AIG1: variants seen among roughly 807,000 people sequenced by gnomAD.
AIG1 encodes androgen-induced gene 1 protein.
A neutral mutation model predicts 31.4 loss-of-function variants in AIG1; 23 were observed. The ratio of observed to expected loss-of-function variants is 0.73; its 90% CI spans 0.53 to 1.04. AIG1 has a LOEUF of 1.04. Among genes scored for constraint, AIG1 ranks in the 50% least tolerant of loss-of-function variants. The probability of loss-of-function intolerance (pLI) is 0.00; values close to 1 mark genes in which losing one functional copy is unlikely to be tolerated. For missense variants in AIG1, 274 were observed against 295.0 expected (o/e 0.93, Z 0.52); for synonymous variants, 100 against 110.5 (o/e 0.90, Z 0.60).
intron 1 of AIG1, among the ~76,000 whole-genome samples, chr6:143,135,893 A>C (rs1783682292): frequency 6.6e-6 from 1 of 152,114 alleles, no homozygotes; most frequent in South Asian, 2.1e-4. Context: ...AAGCCAGAAA[A>C]ATTTTCCTGA....
In AIG1 at chr6:143,217,078, T is replaced by C. The variant is rs557371515; in HGVS notation, c.399+51895T>C. ...ATATTCAATTGAGAAGTTTTTATAC[T>C]TTTCATTAATTTTTCATAATTTATT... On this transcript the variant is annotated intron_variant, in intron 3 of 5. Coordinates refer to ENST00000357847, the MANE Select transcript of AIG1 (RefSeq NM_016108.4). Among the ~76,000 whole-genome samples the C allele has an allele frequency of 1.3e-4, 20 of 152,344 alleles. 2 individuals carry two copies. The highest frequency in any genetic ancestry group is 4.8e-4 in the African/African-American group (20 of 41,590).
intron 3 of AIG1, among the ~76,000 whole-genome samples, chr6:143,278,826 G>A (rs1337931207): frequency 6.6e-6 from 1 of 152,114 alleles, no homozygotes; most frequent in Non-Finnish European, 1.5e-5. Flanking sequence ...ATTTAACACA[G>A]ATAGGGGAGG....
chr6:143,208,810 C>G (rs1156750667), intron 3 of AIG1, among the ~76,000 whole-genome samples: 1 of 151,964 alleles, frequency 6.6e-6, no homozygotes, highest in African/African-American at 2.4e-5. Flanking sequence ...AAAATGATCT[C>G]CTAGGATCCT....
intron 1 of AIG1, among the ~76,000 whole-genome samples, chr6:143,104,479 C>T (rs1780616602): frequency 6.6e-6 from 1 of 152,196 alleles, no homozygotes. Flanking sequence ...CCCAAGTGGG[C>T]ATTTTGTAGT....
chr6:143,137,753 A>G (rs1406423717), intron 2 of AIG1, among the ~76,000 whole-genome samples: 1 of 152,214 alleles, frequency 6.6e-6, no homozygotes, highest in African/African-American at 2.4e-5. Context: ...AGGCCCTCAG[A>G]GACCCTACAG....
intron 3 of AIG1, among the ~76,000 whole-genome samples, chr6:143,262,818 A>G (rs1203847490): frequency 1.3e-5 from 2 of 152,194 alleles, no homozygotes; most frequent in African/African-American, 4.8e-5. Flanking sequence ...CCACAGATGA[A>G]TCATGCATTT....
intron 4 of AIG1, among the ~76,000 whole-genome samples, chr6:143,307,343 G>A (rs898749748): frequency 6.6e-6 from 1 of 152,064 alleles, no homozygotes; most frequent in East Asian, 1.9e-4. Flanking sequence ...TCTACTTTTG[G>A]TCTTTGATGA....
At chr6:143,138,671 A>C (rs555295290) in intron 2 of AIG1, among the ~76,000 whole-genome samples, 15 of 152,122 alleles carry the variant, frequency 9.9e-5, no homozygotes, top group African/African-American at 3.4e-4. Flanking sequence ...AGGCGGGCAG[A>C]TCATGAGGCC....
At chr6:143,247,139 A>G (rs1794675863) in intron 3 of AIG1, among the ~76,000 whole-genome samples, 1 of 150,128 alleles carries the variant, frequency 6.7e-6, no homozygotes, top group Non-Finnish European at 1.5e-5. Flanking sequence ...GGTGTCCAAG[A>G]TTTTTTTTTT....
At chr6:143,137,998 G>A (rs1325607647) in intron 2 of AIG1, among the ~76,000 whole-genome samples, 1 of 152,194 alleles carries the variant, frequency 6.6e-6, no homozygotes, top group Non-Finnish European at 1.5e-5. Context: ...CAGGTTTGTA[G>A]CTGGTAGAAG....
chr6:143,333,438 A>C lies in AIG1; in HGVS notation c.672A>C (p.Thr224=), dbSNP rs1583903651. Residue 224 remains threonine, a synonymous_variant, in exon 5 of 6, where the codon ACA becomes ACC. Coordinates refer to ENST00000357847, the MANE Select transcript of AIG1 (RefSeq NM_016108.4). The surrounding 1 kb of genome is among the most constrained non-coding windows in gnomAD (Gnocchi z 4.6). ...GEVLNNYIWD[T]QKSMEEEKEK... is the part of the protein sequence containing the mutation. ...TTCTGAACAACTATATCTGGGATAC[A>C]CAGAAAAGTAAGTATTGTCTGAGGG... The C allele has an allele frequency of 6.2e-7, 1 of 1,613,222 alleles. No individual in the cohort carries two copies. The highest frequency in any genetic ancestry group is 1.3e-5 in the African/African-American group (1 of 75,006).
chr6:143,246,271 CAA>C (rs34362079), intron 3 of AIG1, among the ~76,000 whole-genome samples: 26,687 of 145,758 alleles, frequency 0.18, 2,849 homozygotes, highest in East Asian at 0.38. Context: ...GGGCAATTTA[CAA>C]AAAAAAAAAA....
intron 4 of AIG1, among the ~76,000 whole-genome samples, chr6:143,301,004 G>C (rs1798787820): frequency 6.6e-6 from 1 of 152,126 alleles, no homozygotes; most frequent in South Asian, 2.1e-4. Context: ...TGTCACCCAG[G>C]CTAGAGTGCA....
At position 143,334,933 on chromosome 6, in the gene AIG1, TTGAA is replaced by T; in HGVS notation, c.679+1492_679+1495del. ...AATAGAATACTGCTTTTTAGCAGCT[TTGAA>T]TGAGGAGTTAAAAATGAATAATGAA... is the stretch of plus-strand genomic sequence containing the variant. On this transcript the variant is annotated intron_variant, in intron 5 of 5. Transcript: ENST00000357847. This position sits in a 1 kb window ranked among gnomAD's most constrained non-coding sequence, Gnocchi z 5.1. 3.6e-6 allele frequency: 2 copies of T among 554,828 alleles called. No homozygotes were observed. Among genetic ancestry groups the T allele is most frequent in the Non-Finnish European group, 5.8e-6 (2 of 342,314 alleles). 34.4% of individuals were successfully genotyped at this position (554,828 alleles called of 1,614,324 possible).
At chr6:143,207,179 A>G (rs936595486) in intron 3 of AIG1, among the ~76,000 whole-genome samples, 5 of 152,106 alleles carry the variant, frequency 3.3e-5, no homozygotes, top group African/African-American at 9.7e-5. Flanking sequence ...CCCAGTTGCA[A>G]TGACTTAAGA....
In AIG1 at chr6:143,338,040, C is replaced by G. The variant is rs1164584529; in HGVS notation, c.680-1599C>G. ...TCTAGGTCAATGAATACCCCCCGTT[C>G]TCCACCCGCGCTTTTGAAGATTCCA... On this transcript the variant is annotated intron_variant, in intron 5 of 5. Transcript: ENST00000357847. The surrounding 1 kb of genome is among the most constrained non-coding windows in gnomAD (Gnocchi z 4.3). The G allele has an allele frequency of 2.5e-6, 1 of 398,564 alleles. No individual in the cohort carries two copies. Among genetic ancestry groups the G allele is most frequent in the Non-Finnish European group, 4.4e-6 (1 of 226,112 alleles). The allele number at this position is 398,564 out of a possible 1,614,324, so 24.7% of individuals were successfully genotyped here. A position where few individuals can be genotyped will look rare whatever the true frequency, so the allele number is the denominator to read the frequency against.
At position 143,333,442 on chromosome 6, in the gene AIG1, A is replaced by G. The variant is rs1777240272; in HGVS notation, c.676A>G (p.Lys226Glu). The G allele has an allele frequency of 6.2e-7, 1 of 1,612,984 alleles. No homozygotes were observed. The highest frequency in any genetic ancestry group is 1.3e-5 in the African/African-American group (1 of 74,882). ...GAACAACTATATCTGGGATACACAG[A>G]AAAGTAAGTATTGTCTGAGGGAACA... Reference protein sequence around the residue: ...VLNNYIWDTQKSMEEEKEKPK... With the variant: ...VLNNYIWDTQESMEEEKEKPK... The change falls in exon 5 of 6, where the codon AAA (lysine) becomes GAA (glutamate). Residue 226 changes from lysine (K) to glutamate (E), a missense_variant. Lys to Glu is a moderately conservative substitution (Grantham distance 56, BLOSUM62 1). Transcript: ENST00000357847. The surrounding 1 kb of genome is among the most constrained non-coding windows in gnomAD (Gnocchi z 4.6).
At chr6:143,222,341 G>C (rs1792585832) in intron 3 of AIG1, among the ~76,000 whole-genome samples, 1 of 152,086 alleles carries the variant, frequency 6.6e-6, no homozygotes, top group African/African-American at 2.4e-5. Context: ...AATGGGGTTA[G>C]GAATTATCGG....
chr6:143,065,618 G>A (rs962355597), intron 1 of AIG1, among the ~76,000 whole-genome samples: 1 of 152,194 alleles, frequency 6.6e-6, no homozygotes, highest in East Asian at 1.9e-4. Flanking sequence ...AGTAGTATTT[G>A]GGGTATAATA....
Sources: gnomAD v4.1 joint callset for allele counts (sites outside exome capture counted in the v4.1 genomes callset) on GRCh38, gnomAD v4.1.1 for gene constraint, Gnocchi (gnomAD v3.1) non-coding constraint, MANE v1.5 for transcripts, NCBI Gene and HGNC (gene_info 2026-07-23, HGNC 2026-07-21) for gene names.